The following ITGB5 variants were observed in gnomAD, a reference collection of about 807,000 sequenced individuals.
ITGB5 encodes integrin beta-5.
Under a neutral mutation model 84.8 loss-of-function variants are expected in ITGB5, and 38 were observed. The observed-to-expected ratio is 0.45, with a 90% CI of 0.35 to 0.59. The LOEUF is 0.59. Ranked by LOEUF, ITGB5 falls within the 20% of genes least tolerant of loss-of-function variation. The probability of loss-of-function intolerance (pLI) is 0.01; values close to 1 mark genes in which losing one functional copy is unlikely to be tolerated. For missense variants in ITGB5, 905 were observed against 1,034.5 expected (o/e 0.87, Z 1.72); for synonymous variants, 393 against 414.4 (o/e 0.95, Z 0.63).
intron 10 of ITGB5, among the ~76,000 whole-genome samples, chr3:124,783,915 T>C (rs2064042587): frequency 1.3e-5 from 2 of 152,198 alleles, no homozygotes; most frequent in Non-Finnish European, 2.9e-5. Context: ...CCGCGGCATA[T>C]TGTTAACAAA....
In ITGB5 at chr3:124,851,608, A is replaced by AACACACAC. The variant is rs3836319; in HGVS notation, c.362-3058_362-3051dup. Among the ~76,000 whole-genome samples the AACACACAC allele has an allele frequency of 9.3e-3, 1,356 of 146,022 alleles. 6 individuals are homozygous for AACACACAC. The highest frequency in any genetic ancestry group is 0.021 in the African/African-American group (831 of 39,818). ...TCTAAGAGAAATTGATCAGTAAGAA[A>AACACACAC]ACACACACACACACACACACACACA... On this transcript the variant is annotated intron_variant, in intron 3 of 14. Transcript: ENST00000296181.
At chr3:124,870,438 C>T (rs1464510298) in intron 2 of ITGB5, among the ~76,000 whole-genome samples, 7 of 152,132 alleles carry the variant, frequency 4.6e-5, no homozygotes, top group Admixed American at 4.6e-4. Context: ...CAGATAGAAC[C>T]CCTGCCCCAG....
intron 1 of ITGB5, chr3:124,878,691 G>C (rs1344265878): frequency 6.6e-6 from 1 of 152,150 alleles, no homozygotes; most frequent in Non-Finnish European, 1.5e-5. Context: ...CTGTGTGCTG[G>C]TATGTGTAAT....
chr3:124,811,612 C>T (rs2064503108), intron 8 of ITGB5, among the ~76,000 whole-genome samples: 1 of 152,182 alleles, frequency 6.6e-6, no homozygotes, highest in African/African-American at 2.4e-5. Context: ...GCAAGAGGGA[C>T]TTGGACTCCT....
chr3:124,892,743 A>G (rs898004258), intron 1 of ITGB5, among the ~76,000 whole-genome samples: 2 of 149,296 alleles, frequency 1.3e-5, no homozygotes, highest in African/African-American at 2.4e-5. Context: ...TGTTATGTCT[A>G]TTTTACCTGT....
chr3:124,770,520 A>G (rs1006263612), intron 11 of ITGB5, among the ~76,000 whole-genome samples: 2 of 152,238 alleles, frequency 1.3e-5, no homozygotes, highest in African/African-American at 4.8e-5. Flanking sequence ...CGGGATTAAG[A>G]GGCCAGCTAC....
intron 9 of ITGB5, 106 bp downstream of exon 9, chr3:124,808,915 GA>G: frequency 8.0e-7 from 1 of 1,247,292 alleles, no homozygotes; most frequent in Non-Finnish European, 1.1e-6. Context: ...TTGGAAAACA[GA>G]ATATAAATTC....
At chr3:124,870,233 T>C (rs1203779867) in intron 2 of ITGB5, among the ~76,000 whole-genome samples, 2 of 152,196 alleles carry the variant, frequency 1.3e-5, no homozygotes, top group African/African-American at 4.8e-5. Flanking sequence ...GAGATGATGA[T>C]TTAGTTGGTA....
At chr3:124,767,217 G>T (rs921073932) in intron 12 of ITGB5, among the ~76,000 whole-genome samples, 1 of 152,186 alleles carries the variant, frequency 6.6e-6, no homozygotes, top group African/African-American at 2.4e-5. Context: ...ACACTAGGGC[G>T]GTAAATGCTT....
At chr3:124,837,212 C>T (rs548164788) in intron 5 of ITGB5, among the ~76,000 whole-genome samples, 4 of 152,340 alleles carry the variant, frequency 2.6e-5, no homozygotes, top group East Asian at 1.9e-4. Flanking sequence ...AGGCCAAGGG[C>T]GTGCCCTGTT....
At chr3:124,765,555 G>T (rs753593561) in intron 13 of ITGB5, among the ~76,000 whole-genome samples, 2 of 152,230 alleles carry the variant, frequency 1.3e-5, no homozygotes, top group Non-Finnish European at 2.9e-5. Context: ...GCTGTGCAGG[G>T]TAGGTATGTT....
intron 1 of ITGB5, among the ~76,000 whole-genome samples, chr3:124,900,661 T>C (rs1935197079): frequency 6.6e-6 from 1 of 152,152 alleles, no homozygotes; most frequent in African/African-American, 2.4e-5. Flanking sequence ...ACCTTGCTTT[T>C]TGCACTGTGG....
intron 10 of ITGB5, among the ~76,000 whole-genome samples, chr3:124,790,465 TTTGACTAGACAGGGTTATCAGAACC>T (rs2064133643): frequency 4.0e-5 from 6 of 149,494 alleles, no homozygotes; most frequent in East Asian, 2.0e-4. Flanking sequence ...CAGAACCGCC[TTTGACTAGACAGGGTTATCAGAACC>T]GCCTTTGACT....
At chr3:124,786,265 A>C (rs554392693) in intron 10 of ITGB5, among the ~76,000 whole-genome samples, 1 of 152,282 alleles carries the variant, frequency 6.6e-6, no homozygotes, top group South Asian at 2.1e-4. Flanking sequence ...AGCTGGGTGC[A>C]GTGGCTCACA....
chr3:124,869,720 G>C (rs912001101), intron 2 of ITGB5, among the ~76,000 whole-genome samples: 3 of 152,198 alleles, frequency 2.0e-5, no homozygotes, highest in African/African-American at 7.2e-5. Flanking sequence ...CTTCAGCTAA[G>C]AATGAGGCTC....
chr3:124,763,659 G>T lies in ITGB5; in HGVS notation c.2364C>A (p.Asn788Lys). The change falls in exon 15 of 15, where the codon AAC becomes AAA. Residue 788 changes from asparagine to lysine, a missense_variant. Physicochemically the swap from Asn to Lys is moderately conservative, Grantham distance 94 (BLOSUM62 0). This residue lies in a region of ITGB5 where 133 missense variants were observed against 122.8 expected (regional missense o/e 1.08). Transcript: ENST00000296181. ...TGCCATTGTAGGATTTGTTGAACTT[G>T]TTGAAGGTGAAGTCCACAGTGTGCG... ...ISTHTVDFTF[N>K]KFNKSYNGTV... 6.2e-7 allele frequency: 1 copy of T among 1,608,602 alleles called. No homozygotes were observed. The highest frequency in any genetic ancestry group is 8.5e-7 in the Non-Finnish European group (1 of 1,175,016).
intron 1 of ITGB5, among the ~76,000 whole-genome samples, chr3:124,879,978 T>G (rs1170539068): frequency 6.6e-6 from 1 of 152,264 alleles, no homozygotes; most frequent in Non-Finnish European, 1.5e-5. Flanking sequence ...ATTATGGGAC[T>G]ATATTACCTA....
chr3:124,765,904 C>T (rs2063759432), intron 13 of ITGB5, among the ~76,000 whole-genome samples: 1 of 151,838 alleles, frequency 6.6e-6, no homozygotes, highest in South Asian at 2.1e-4. Flanking sequence ...CAAAAACATA[C>T]AAAAATTAGC....
At chr3:124,780,194 G>A (rs1407165058) in intron 10 of ITGB5, among the ~76,000 whole-genome samples, 1 of 148,614 alleles carries the variant, frequency 6.7e-6, no homozygotes, top group Non-Finnish European at 1.5e-5. Context: ...AGGGCACGGG[G>A]ACCCTCAACT....
Sources: allele counts gnomAD v4.1 joint callset (sites outside exome capture counted in the v4.1 genomes callset), GRCh38; gene constraint gnomAD v4.1.1; regional missense constraint gnomAD v4.1.1; transcripts MANE v1.5; gene names NCBI Gene and HGNC (gene_info 2026-07-23, HGNC 2026-07-21).